The following PTK2 variants were observed in gnomAD, a reference collection of about 807,000 sequenced individuals.
PTK2 encodes focal adhesion kinase 1.
In PTK2, 45 loss-of-function variants were observed where a neutral mutation model predicts 150.1. The observed-to-expected ratio is 0.30, with a 90% CI of 0.24 to 0.38. The LOEUF is 0.38. Ranked by LOEUF, PTK2 falls within the 10% of genes least tolerant of loss-of-function variation. The pLI, the probability that PTK2 is intolerant of heterozygous loss-of-function variation, is 1.00. For synonymous variants in PTK2, 432 were observed against 449.2 expected (o/e 0.96, Z 0.48); for missense variants, 919 against 1,307.3 (o/e 0.70, Z 4.58).
At chr8:140,805,633 T>C (rs1350796130) in intron 10 of PTK2, among the ~76,000 whole-genome samples, 3 of 151,772 alleles carry the variant, frequency 2.0e-5, no homozygotes, top group African/African-American at 4.8e-5. Context: ...TCACTGATTC[T>C]TCTCCCTTTC....
intron 10 of PTK2, among the ~76,000 whole-genome samples, chr8:140,814,820 G>A (rs1359978827): frequency 6.6e-6 from 1 of 151,406 alleles, no homozygotes; most frequent in Non-Finnish European, 1.5e-5. Context: ...TGTTGCCCAG[G>A]CTGGAGTGCA....
intron 1 of PTK2, among the ~76,000 whole-genome samples, chr8:140,944,009 A>C (rs553335131): frequency 4.1e-4 from 63 of 152,288 alleles, no homozygotes; most frequent in African/African-American, 1.3e-3. Context: ...AACCATTTGG[A>C]ATTCATGAGT....
chr8:140,971,421 G>A (rs1386332078), intron 1 of PTK2, among the ~76,000 whole-genome samples: 1 of 152,198 alleles, frequency 6.6e-6, no homozygotes, highest in Non-Finnish European at 1.5e-5. Context: ...TAGAAACTGA[G>A]TATCTTGACT....
At chr8:140,865,391 G>A (rs1173548461) in intron 4 of PTK2, among the ~76,000 whole-genome samples, 1 of 152,094 alleles carries the variant, frequency 6.6e-6, no homozygotes, top group Non-Finnish European at 1.5e-5. Context: ...CTTGTTTTCC[G>A]ACTAAATGGT....
chr8:140,907,653 T>C (rs2100161513), intron 2 of PTK2, among the ~76,000 whole-genome samples: 1 of 152,220 alleles, frequency 6.6e-6, no homozygotes, highest in Non-Finnish European at 1.5e-5. Flanking sequence ...TATGCCCACT[T>C]TACCAAATGT....
chr8:140,663,025 TAC>T (rs756687070), intron 31 of PTK2: 32 of 362,410 alleles, frequency 8.8e-5, no homozygotes, highest in Non-Finnish European at 1.5e-4. Context: ...GGAAAAGTGC[TAC>T]AGAGACAACC....
intron 2 of PTK2, among the ~76,000 whole-genome samples, chr8:140,916,110 G>T (rs904591734): frequency 6.6e-6 from 1 of 152,206 alleles, no homozygotes; most frequent in Non-Finnish European, 1.5e-5. Flanking sequence ...TTCAAAAATA[G>T]AAATGAAAAG....
chr8:140,809,185 G>A (rs935022679), intron 10 of PTK2, among the ~76,000 whole-genome samples: 2 of 152,030 alleles, frequency 1.3e-5, no homozygotes, highest in African/African-American at 2.4e-5. Context: ...AAAGGGAAGA[G>A]CACAATAAAA....
rs190710925 is a variant in PTK2, at chr8:140,920,929, A to C, written c.-33+4732T>G. On this transcript the variant is annotated intron_variant, in intron 2 of 31. Coordinates refer to ENST00000522684, the Ensembl canonical transcript of PTK2. ...CCAACAACATACACCCAATCCTATA[A>C]AGATCAAGCCAGGAGTCTGCACACA... The C allele has an allele frequency of 8.7e-6, 13 of 1,498,052 alleles. No homozygotes were observed. In the East Asian group the frequency reaches 3.1e-4, roughly 36 times the overall value. The allele number at this position is 1,498,052 out of a possible 1,614,324, so 92.8% of individuals were successfully genotyped here.
chr8:140,713,370 T>C (rs1390147172), intron 23 of PTK2, among the ~76,000 whole-genome samples: 4 of 152,170 alleles, frequency 2.6e-5, no homozygotes, highest in African/African-American at 9.7e-5. Flanking sequence ...AAGTGATTCT[T>C]GTGCCTCAGC....
At chr8:140,986,004 G>GGT (rs1409834204) in intron 1 of PTK2, among the ~76,000 whole-genome samples, 6 of 152,130 alleles carry the variant, frequency 3.9e-5, no homozygotes, top group African/African-American at 1.4e-4. Flanking sequence ...AAACAGCAAG[G>GGT]ATACCCATAT....
At chr8:140,731,873 A>G (rs2100049619) in intron 22 of PTK2, among the ~76,000 whole-genome samples, 1 of 152,190 alleles carries the variant, frequency 6.6e-6, no homozygotes, top group East Asian at 1.9e-4. Flanking sequence ...ACCGCACTCT[A>G]GCCTGGGCAA....
intron 5 of PTK2, among the ~76,000 whole-genome samples, chr8:140,856,742 T>C (rs780778275): frequency 7.2e-5 from 11 of 152,156 alleles, no homozygotes; most frequent in Non-Finnish European, 1.0e-4. Flanking sequence ...ACTCAATAAA[T>C]GTATACTTAA....
intron 14 of PTK2, among the ~76,000 whole-genome samples, chr8:140,767,122 C>T (rs1441807026): frequency 6.6e-6 from 1 of 152,120 alleles, no homozygotes; most frequent in Admixed American, 6.6e-5. Flanking sequence ...AGTAGAGATA[C>T]CAACCTCTAA....
At chr8:140,806,882 T>C (rs933735589) in intron 10 of PTK2, among the ~76,000 whole-genome samples, 1 of 152,256 alleles carries the variant, frequency 6.6e-6, no homozygotes, top group Non-Finnish European at 1.5e-5. Flanking sequence ...TAAGAGGGGC[T>C]GGCACTGCCC....
At chr8:140,661,188 GA>G (rs1264452543) in intron 31 of PTK2, among the ~76,000 whole-genome samples, 3 of 152,210 alleles carry the variant, frequency 2.0e-5, no homozygotes, top group African/African-American at 7.2e-5. Context: ...TGGCAAGAGG[GA>G]TAAGAGATTT....
At position 140,819,511 on chromosome 8, in the gene PTK2, T is replaced by C. The variant is rs571145482; in HGVS notation, c.649-491A>G. Among the ~76,000 whole-genome samples the C allele has an allele frequency of 7.9e-5, 12 of 152,348 alleles. No homozygotes were observed. In the South Asian group the frequency reaches 2.3e-3, roughly 29 times the overall value. On this transcript the variant is annotated intron_variant, in intron 8 of 31. Transcript: ENST00000522684. ...ATGCAAAGATTCAGGAACAAAAAGATTCACTGCAGAACTGTTTACAGTAAT... is the reference window on the plus strand; with the variant it reads ...ATGCAAAGATTCAGGAACAAAAAGACTCACTGCAGAACTGTTTACAGTAAT...
At chr8:140,755,907 A>G (rs2100065414) in intron 16 of PTK2, among the ~76,000 whole-genome samples, 1 of 152,380 alleles carries the variant, frequency 6.6e-6, no homozygotes, top group Non-Finnish European at 1.5e-5. Context: ...ACAGAATACT[A>G]AAGAACATGT....
At chr8:140,972,684 A>C (rs2100187748) in intron 1 of PTK2, among the ~76,000 whole-genome samples, 1 of 152,208 alleles carries the variant, frequency 6.6e-6, no homozygotes, top group African/African-American at 2.4e-5. Context: ...CAAAACCTAA[A>C]ATATTCACTA....
Sources: allele counts gnomAD v4.1 joint callset (sites outside exome capture counted in the v4.1 genomes callset), GRCh38; gene constraint gnomAD v4.1.1; transcripts MANE v1.5; gene names NCBI Gene and HGNC (gene_info 2026-07-23, HGNC 2026-07-21).